NCAPD3: variants seen among roughly 807,000 people sequenced by gnomAD.
NCAPD3 encodes non-SMC condensin II complex subunit D3.
NCAPD3 carries 105 observed loss-of-function variants against 182.9 expected under a neutral mutation model. The observed-to-expected ratio is 0.57, with a 90% CI of 0.49 to 0.68. NCAPD3 has a LOEUF of 0.68. Among genes scored for constraint, NCAPD3 ranks in the 30% least tolerant of loss-of-function variants. The probability of loss-of-function intolerance (pLI) is 0.00; values close to 1 mark genes in which losing one functional copy is unlikely to be tolerated. For synonymous variants in NCAPD3, 815 were observed against 679.9 expected (o/e 1.20, Z -3.09); for missense variants, 1,944 against 1,837.0 (o/e 1.06, Z -1.07).
intron 29 of NCAPD3, among the ~76,000 whole-genome samples, chr11:134,158,862 CCACT>C (rs1215466712): frequency 6.6e-6 from 1 of 152,168 alleles, no homozygotes; most frequent in Non-Finnish European, 1.5e-5. Context: ...CACCAAAAAT[CCACT>C]CTCTAACTCC....
chr11:134,176,312 A>G lies in NCAPD3; in HGVS notation c.3096T>C (p.Ile1032=), dbSNP rs1410862643. Residue 1032 remains isoleucine, a synonymous_variant, in exon 24 of 35, where the codon ATT becomes ATC. Transcript: ENST00000534548. Reference sequence around the variant, plus strand: ...GACGTGAGGAAAAGATTTACCTGGCAATGTCTGGGTGTGAATCGATCAGAG... The same window carrying G: ...GACGTGAGGAAAAGATTTACCTGGCGATGTCTGGGTGTGAATCGATCAGAG... ...VSTLIDSHPD[I]ASFGEFCLAH... 2 of 1,613,654 alleles carry G rather than the reference A, an allele frequency of 1.2e-6. No individual in the cohort carries two copies. The highest frequency in any genetic ancestry group is 1.7e-5 in the Admixed American group (1 of 60,010).
At chr11:134,158,987 C>T (rs1427266298) in intron 29 of NCAPD3, among the ~76,000 whole-genome samples, 3 of 152,214 alleles carry the variant, frequency 2.0e-5, no homozygotes, top group Non-Finnish European at 4.4e-5. Flanking sequence ...ATCCATGTTG[C>T]AACAGATGAC....
At chr11:134,162,881 G>C (rs1591823303) in intron 27 of NCAPD3, among the ~76,000 whole-genome samples, 1 of 152,212 alleles carries the variant, frequency 6.6e-6, no homozygotes, top group Non-Finnish European at 1.5e-5. Flanking sequence ...TTAAGTGGCA[G>C]GGTGTTAGGG....
chr11:134,177,614 C>A lies in NCAPD3; in HGVS notation c.2783-157G>T. On this transcript the variant is annotated intron_variant, in intron 22 of 34. Transcript: ENST00000534548. ...CAACAAAAAACTAAAGGCAGACAGACCCATCTTGAATAGTCGAATAAAAAT... is the reference window on the plus strand; with the variant it reads ...CAACAAAAAACTAAAGGCAGACAGAACCATCTTGAATAGTCGAATAAAAAT... 7.8e-6 allele frequency: 5 copies of A among 638,352 alleles called. No individual in the cohort carries two copies. The South Asian group carries it at 7.9e-5, about 10-fold the overall frequency. 39.5% of individuals were successfully genotyped at this position (638,352 alleles called of 1,614,324 possible).
At chr11:134,194,222 G>C in intron 14 of NCAPD3, 72 bp from the exon 15 acceptor site, 1 of 1,468,350 alleles carries the variant, frequency 6.8e-7, no homozygotes, top group Non-Finnish European at 9.3e-7. Context: ...TGTTAACAAA[G>C]GAACACTTCC....
intron 19 of NCAPD3, chr11:134,183,018 G>A (rs1944329427): frequency 2.2e-6 from 1 of 446,032 alleles, no homozygotes; most frequent in African/African-American, 2.0e-5. Flanking sequence ...CTAACCTGAA[G>A]ACAGTTCTTG....
rs1944191226 is a variant in NCAPD3, at chr11:134,177,257, G to A, written c.2983C>T (p.Arg995Trp). Residue 995 changes from arginine (R) to tryptophan (W), a missense_variant, in exon 23 of 35, where the codon CGG (arginine) becomes TGG (tryptophan). Around this residue, in one of 3 missense-constraint regions of NCAPD3, gnomAD observed 1,803 missense variants for 1,674.6 expected, o/e 1.08. Coordinates refer to ENST00000534548, the MANE Select transcript of NCAPD3 (RefSeq NM_015261.3). Reference protein sequence around the residue: ...MCLKDSDPFIRKQTLILLTNL... With the variant: ...MCLKDSDPFIWKQTLILLTNL... ...GTAAGCAAGATGAGTGTCTGCTTCC[G>A]GATGAATGGGTCGGAATCCTTCAGA... 1.9e-6 allele frequency: 3 copies of A among 1,614,070 alleles called. No homozygotes were observed. The highest frequency in any genetic ancestry group is 1.1e-5 in the South Asian group (1 of 91,082).
Position 134,158,607 on chromosome 11 carries a change from G to C in NCAPD3, c.3868-112C>G, listed in dbSNP as rs565195929. 1.1e-4 allele frequency: 127 copies of C among 1,144,284 alleles called. 2 individuals carry two copies. In the South Asian group the frequency reaches 1.9e-3, roughly 17 times the overall value. The allele number at this position is 1,144,284 out of a possible 1,614,324, so 70.9% of individuals were successfully genotyped here. A position where few individuals can be genotyped will look rare whatever the true frequency, so the allele number is the denominator to read the frequency against. ...TCCATATGAGATTTTGATACATGTG[G>C]ACAACGTAATGATCAAATCAGGGTA... is the stretch of plus-strand genomic sequence containing the variant. On this transcript the variant is annotated intron_variant, in intron 29 of 34. Transcript: ENST00000534548.
At chr11:134,159,133 G>T (rs1245936660) in intron 29 of NCAPD3, among the ~76,000 whole-genome samples, 1 of 152,182 alleles carries the variant, frequency 6.6e-6, no homozygotes, top group African/African-American at 2.4e-5. Context: ...GGGAGTGCAG[G>T]TATGTCTTCG....
At chr11:134,177,172 A>G (rs1241017794) in intron 23 of NCAPD3, 47 bp downstream of exon 23, 1 of 1,418,268 alleles carries the variant, frequency 7.1e-7, no homozygotes, top group Non-Finnish European at 1.0e-6. Context: ...CCCTTAAACC[A>G]GAAGCAATGG....
intron 13 of NCAPD3, 57 bp downstream of exon 13, chr11:134,202,759 A>G: frequency 7.5e-7 from 1 of 1,330,568 alleles, no homozygotes. Flanking sequence ...GACTCTACTT[A>G]CGGTTGTCTG....
chr11:134,161,666 G>T, intron 28 of NCAPD3, 115 bp downstream of exon 28: 1 of 697,970 alleles, frequency 1.4e-6, no homozygotes, highest in Non-Finnish European at 2.5e-6. Context: ...TGTTGGGTTT[G>T]CAGAATTTGG....
At chr11:134,174,382 C>CAAAAAA (rs34533048) in intron 24 of NCAPD3, among the ~76,000 whole-genome samples, 8 of 53,600 alleles carry the variant, frequency 1.5e-4, no homozygotes, top group Admixed American at 2.7e-4. Context: ...GACCCTGTCT[C>CAAAAAA]AAAAAAAAAA....
chr11:134,210,335 T>A lies in NCAPD3; in HGVS notation c.502A>T (p.Ser168Cys), dbSNP rs1456967070. The A allele has an allele frequency of 6.2e-7, 1 of 1,614,190 alleles. No individual in the cohort carries two copies. The highest frequency in any genetic ancestry group is 8.5e-7 in the Non-Finnish European group (1 of 1,180,030). Residue 168 changes from serine (S) to cysteine (C), a missense_variant, in exon 4 of 35, where the codon AGC (serine) becomes TGC (cysteine). By Grantham distance (112) the Ser-to-Cys change is moderately radical. Coordinates refer to ENST00000534548, the MANE Select transcript of NCAPD3 (RefSeq NM_015261.3). ...TGCCTCCCGGGGTTAGCCTGAGAGC[T>A]CTTAGGCTGTTCTTTCTTTCTTTTC... ...NRKRKKEQPK[S>C]SQANPGRHRK...
intron 27 of NCAPD3, among the ~76,000 whole-genome samples, chr11:134,164,530 G>A (rs531741685): frequency 4.0e-5 from 6 of 151,830 alleles, no homozygotes; most frequent in East Asian, 3.9e-4. Flanking sequence ...AGTAGATGGT[G>A]AGAAGAGTGG....
At chr11:134,223,630 A>T in intron 1 of NCAPD3, 2 of 654,140 alleles carry the variant, frequency 3.1e-6, no homozygotes, top group South Asian at 3.4e-5. Context: ...AGGCGCTAGA[A>T]GAGACTGGCC....
Position 134,169,045 on chromosome 11 carries a change from C to G in NCAPD3, c.3111G>C (p.Glu1037Asp). 6.2e-7 allele frequency: 1 copy of G among 1,613,478 alleles called. No individual in the cohort carries two copies. Among genetic ancestry groups the G allele is most frequent in the Non-Finnish European group, 8.5e-7 (1 of 1,179,680 alleles). The change falls in exon 25 of 35, where the codon GAG (glutamate) becomes GAC (aspartate). Residue 1037 changes from glutamate to aspartate, a missense_variant. Physicochemically the swap from Glu to Asp is conservative, Grantham distance 45. Transcript: ENST00000534548. ...DSHPDIASFG[E>D]FCLAHLLLKR... is the part of the protein sequence containing the mutation. ...TCAGTAACAGGTGAGCCAGGCAAAA[C>G]TCCCCGAAGCTGCAAAGGTGAGAGA...
intron 3 of NCAPD3, among the ~76,000 whole-genome samples, chr11:134,216,301 A>G (rs1220116295): frequency 6.6e-6 from 1 of 152,206 alleles, no homozygotes; most frequent in Non-Finnish European, 1.5e-5. Flanking sequence ...AAGGTGACTG[A>G]TCTTGCCATT....
chr11:134,219,810 T>C (rs1430716971), intron 2 of NCAPD3, among the ~76,000 whole-genome samples: 12 of 152,170 alleles, frequency 7.9e-5, no homozygotes, highest in Admixed American at 2.6e-4. Flanking sequence ...ATTTTCTTTT[T>C]TTGTGAGACA....
Sources: allele counts gnomAD v4.1 joint callset (sites outside exome capture counted in the v4.1 genomes callset), GRCh38; gene constraint gnomAD v4.1.1; regional missense constraint gnomAD v4.1.1; transcripts MANE v1.5; gene names NCBI Gene and HGNC (gene_info 2026-07-23, HGNC 2026-07-21).